The following DCTN5 variants were observed in gnomAD, a reference collection of about 807,000 sequenced individuals.
DCTN5 encodes the protein dynactin 4.
A neutral mutation model predicts 23.5 loss-of-function variants in DCTN5; 14 were observed. That is an observed-to-expected ratio of 0.60 (90% confidence interval 0.39 to 0.93). DCTN5 has a LOEUF of 0.93. Ranked by LOEUF, DCTN5 falls within the 40% of genes least tolerant of loss-of-function variation. The probability of loss-of-function intolerance (pLI) is 0.00; values close to 1 mark genes in which losing one functional copy is unlikely to be tolerated. For synonymous variants in DCTN5, 67 were observed against 79.6 expected, an observed-to-expected ratio of 0.84 and a Z score of 0.84; for missense variants, 156 against 225.9, an observed-to-expected ratio of 0.69 and a Z score of 1.98.
rs1471689882 is a variant in DCTN5, at chr16:23,670,129, C to T, written c.*2985C>T. ...ACCCTCACCCCCAACCCTCACACACCCTGCCAGCATGCCTCAGACCTTACC... is the reference window on the plus strand; with the variant it reads ...ACCCTCACCCCCAACCCTCACACACTCTGCCAGCATGCCTCAGACCTTACC... On this transcript the variant is annotated 3_prime_UTR_variant, in exon 6 of 6. Transcript: ENST00000300087. 6.6e-6 allele frequency: 1 copy of T among 152,246 alleles called. No homozygotes were observed. Among genetic ancestry groups the T allele is most frequent in the African/African-American group, 2.4e-5 (1 of 41,422 alleles). 9.4% of individuals were successfully genotyped at this position (152,246 alleles called of 1,614,324 possible). A position where few individuals can be genotyped will look rare whatever the true frequency, so the allele number is the denominator to read the frequency against.
intron 2 of DCTN5, among the ~76,000 whole-genome samples, chr16:23,646,680 G>T (rs2140972955): frequency 6.6e-6 from 1 of 151,958 alleles, no homozygotes; most frequent in Non-Finnish European, 1.5e-5. Context: ...GGGTTCAAGT[G>T]ATTCTCCTCT....
chr16:23,645,669 C>T (rs1967443103), intron 2 of DCTN5, among the ~76,000 whole-genome samples: 1 of 152,132 alleles, frequency 6.6e-6, no homozygotes, highest in Non-Finnish European at 1.5e-5. Flanking sequence ...TCCTTTTTGT[C>T]TGGCTTATTT....
At chr16:23,659,032 C>G (rs1015903843) in intron 3 of DCTN5, among the ~76,000 whole-genome samples, 7 of 152,170 alleles carry the variant, frequency 4.6e-5, no homozygotes, top group Admixed American at 1.3e-4. Flanking sequence ...CTCTGCATTT[C>G]TACTTGCCTT....
At position 23,643,842 on chromosome 16, in the gene DCTN5, G is replaced by C. The variant is rs550843285; in HGVS notation, c.117+819G>C. Reference sequence around the variant, plus strand: ...AATCCAAATAAATTACAATAGCAAAGAGACGAGTATAAACTTGGAAGAGAA... The same window carrying C: ...AATCCAAATAAATTACAATAGCAAACAGACGAGTATAAACTTGGAAGAGAA... On this transcript the variant is annotated intron_variant, in intron 2 of 5. Coordinates refer to ENST00000300087, the MANE Select transcript of DCTN5 (RefSeq NM_032486.4). Among the ~76,000 whole-genome samples, 4 of 152,160 alleles carry C rather than the reference G, an allele frequency of 2.6e-5. No individual in the cohort carries two copies. The East Asian group carries it at 7.8e-4, about 30-fold the overall frequency.
At chr16:23,653,091 G>A (rs759804423) in intron 2 of DCTN5, among the ~76,000 whole-genome samples, 10 of 152,152 alleles carry the variant, frequency 6.6e-5, no homozygotes, top group African/African-American at 1.7e-4. Flanking sequence ...GCAGTGAGCC[G>A]TGATGGCACC....
At chr16:23,648,344 C>CTTTTT (rs960786045) in intron 2 of DCTN5, among the ~76,000 whole-genome samples, 18 of 105,518 alleles carry the variant, frequency 1.7e-4, no homozygotes, top group South Asian at 3.1e-4. Flanking sequence ...TTTCTTTTTT[C>CTTTTT]TTTTTTTTTT....
chr16:23,653,458 T>C (rs1363829760), intron 2 of DCTN5, among the ~76,000 whole-genome samples: 1 of 152,180 alleles, frequency 6.6e-6, no homozygotes, highest in Non-Finnish European at 1.5e-5. Context: ...AGGAAAGGAT[T>C]CTCTATTCAA....
At chr16:23,662,212 G>A (rs1309133532) in intron 4 of DCTN5, among the ~76,000 whole-genome samples, 1 of 152,168 alleles carries the variant, frequency 6.6e-6, no homozygotes, top group Admixed American at 6.5e-5. Context: ...AAGGAAATCT[G>A]AAGGGTGAGT....
At chr16:23,641,751 T>C (rs950654842) in intron 1 of DCTN5, among the ~76,000 whole-genome samples, 161 bp downstream of exon 1, 2 of 152,116 alleles carry the variant, frequency 1.3e-5, no homozygotes, top group African/African-American at 2.4e-5. Context: ...CTTTGCTGTT[T>C]ACTCCGCGCT....
At position 23,667,041 on chromosome 16, in the gene DCTN5, C is replaced by G. The variant is rs369239657; in HGVS notation, c.452-6C>G. ...GCTCCTTAGAGCTGGGTCTTTCTTTCCCCAGGACTCTTCTCAGGGGAGCTC... is the reference window on the plus strand; with the variant it reads ...GCTCCTTAGAGCTGGGTCTTTCTTTGCCCAGGACTCTTCTCAGGGGAGCTC... On this transcript the variant is annotated splice_polypyrimidine_tract_variant and splice_region_variant and intron_variant, in intron 5 of 5. Transcript: ENST00000300087. 5.0e-6 allele frequency: 8 copies of G among 1,613,612 alleles called. No individual in the cohort carries two copies. In the African/African-American group the frequency reaches 1.1e-4, roughly 22 times the overall value.
chr16:23,666,804 A>T, intron 5 of DCTN5: 2 of 559,946 alleles, frequency 3.6e-6, no homozygotes, highest in South Asian at 5.2e-5. Context: ...CTACCGTGTC[A>T]TGCATCTCTG....
intron 2 of DCTN5, among the ~76,000 whole-genome samples, chr16:23,650,128 C>T (rs1967568629): frequency 6.6e-6 from 1 of 152,088 alleles, no homozygotes; most frequent in Admixed American, 6.6e-5. Context: ...TTAAGTCTGG[C>T]AGTGTGATGC....
In DCTN5 at chr16:23,658,565, G is replaced by A. The variant is rs1403723804; in HGVS notation, c.176G>A (p.Arg59His). Residue 59 changes from arginine to histidine, a missense_variant, in exon 3 of 6, where the codon CGT (arginine) becomes CAT (histidine). Arg to His is a conservative substitution (Grantham distance 29). Transcript: ENST00000300087. Reference sequence around the variant, plus strand: ...GATCTGGCAAATGTAAGAGTTGGACGTCATTGTGTTGTGAAAAGTCGTAGT... The same window carrying A: ...GATCTGGCAAATGTAAGAGTTGGACATCATTGTGTTGTGAAAAGTCGTAGT... Reference protein sequence around the residue: ...RGDLANVRVGRHCVVKSRSVI... With the variant: ...RGDLANVRVGHHCVVKSRSVI... 1 of 1,614,168 alleles carries A rather than the reference G, an allele frequency of 6.2e-7. No homozygotes were observed. The highest frequency in any genetic ancestry group is 8.5e-7 in the Non-Finnish European group (1 of 1,180,016).
At chr16:23,654,143 A>G (rs559972066) in intron 2 of DCTN5, among the ~76,000 whole-genome samples, 1 of 152,314 alleles carries the variant, frequency 6.6e-6, no homozygotes, top group African/African-American at 2.4e-5. Context: ...AAAGACAGAA[A>G]TACCATTTGA....
chr16:23,657,002 A>T lies in DCTN5; in HGVS notation c.118-1505A>T, dbSNP rs191185563. The stretch of plus-strand genomic sequence containing the variant: ...AAGACTCCATCTCAAAAAAAAAAAA[A>T]AATAAAGACTCATTATCTATTTTTA... On this transcript the variant is annotated intron_variant, in intron 2 of 5. Transcript: ENST00000300087. Among the ~76,000 whole-genome samples the T allele has an allele frequency of 4.7e-3, 710 of 151,946 alleles. 4 individuals carry two copies. Among genetic ancestry groups the T allele is most frequent in the African/African-American group, 0.015 (623 of 41,386 alleles).
rs1296461537 is a variant in DCTN5 at position 23,672,840 on chromosome 16, A to T, written c.*5696A>T. ...ATTGCAACTGTATAAAACAAATTCC[A>T]TGTTTGGCCAGGCGCAGTGGCTCAA... On this transcript the variant is annotated 3_prime_UTR_variant, in exon 6 of 6. Coordinates refer to ENST00000300087, the MANE Select transcript of DCTN5 (RefSeq NM_032486.4). The T allele has an allele frequency of 6.6e-6, 1 of 152,222 alleles. No homozygotes were observed. Among genetic ancestry groups the T allele is most frequent in the Non-Finnish European group, 1.5e-5 (1 of 68,062 alleles). The allele number at this position is 152,222 out of a possible 1,614,324, so 9.4% of individuals were successfully genotyped here.
intron 2 of DCTN5, chr16:23,651,290 T>C (rs2140977709): frequency 1.3e-6 from 1 of 762,348 alleles, no homozygotes; most frequent in East Asian, 1.2e-4. Context: ...AGCCACCTTC[T>C]TTCTTTTTAA....
At chr16:23,642,658 T>A (rs459603) in intron 1 of DCTN5, 67,588 of 225,300 alleles carry the variant, frequency 0.3, 10,219 homozygotes, top group East Asian at 0.46. Context: ...AATTAAAAAA[T>A]TTTTTTTTTG....
rs1416375433 is a variant in DCTN5, at chr16:23,669,181, A to G, written c.*2037A>G. 6.6e-6 allele frequency: 1 copy of G among 152,532 alleles called. No individual in the cohort carries two copies. Among genetic ancestry groups the G allele is most frequent in the Non-Finnish European group, 1.5e-5 (1 of 68,048 alleles). 9.4% of individuals were successfully genotyped at this position (152,532 alleles called of 1,614,324 possible). A position where few individuals can be genotyped will look rare whatever the true frequency, so the allele number is the denominator to read the frequency against. ...AGATGAAAATCTCCTTGTCCTCAAAATACTTCCAGAAGAACAACCAGATGG... is the reference window on the plus strand; with the variant it reads ...AGATGAAAATCTCCTTGTCCTCAAAGTACTTCCAGAAGAACAACCAGATGG... On this transcript the variant is annotated 3_prime_UTR_variant, in exon 6 of 6. Transcript: ENST00000300087.
Sources: gnomAD v4.1 joint callset for allele counts (sites outside exome capture counted in the v4.1 genomes callset) on GRCh38, gnomAD v4.1.1 for gene constraint, MANE v1.5 for transcripts, NCBI Gene and HGNC (gene_info 2026-07-23, HGNC 2026-07-21) for gene names.